The following PTPRD variants were observed in gnomAD, a reference collection of about 807,000 sequenced individuals.
PTPRD encodes protein tyrosine phosphatase receptor type D.
In PTPRD, 34 loss-of-function variants were observed where a neutral mutation model predicts 214.5. The observed-to-expected ratio is 0.16, with a 90% CI of 0.12 to 0.21. The LOEUF (loss-of-function observed/expected upper bound fraction) is 0.21, where lower values mean the gene tolerates loss of function less well. Ranked by LOEUF, PTPRD falls within the 10% of genes least tolerant of loss-of-function variation. PTPRD has a pLI of 1.00. For missense variants in PTPRD, 2,545 were observed against 2,398.7 expected (o/e 1.06, Z -1.27); for synonymous variants, 1,128 against 845.7 (o/e 1.33, Z -5.79).
chr9:9,690,744 T>C (rs2097255066), intron 7 of PTPRD, among the ~76,000 whole-genome samples: 2 of 151,998 alleles, frequency 1.3e-5, no homozygotes, highest in African/African-American at 2.4e-5. Context: ...ATGTACACTT[T>C]CAACACCTTT....
chr9:10,033,641 A>G (rs2097125282), intron 4 of PTPRD, 77 bp downstream of exon 4: 1 of 152,116 alleles, frequency 6.6e-6, no homozygotes, highest in Admixed American at 6.6e-5. Context: ...GAATCATGCT[A>G]GTTTTACCTT....
At chr9:8,581,213 A>G (rs934836834) in intron 14 of PTPRD, among the ~76,000 whole-genome samples, 3 of 152,160 alleles carry the variant, frequency 2.0e-5, no homozygotes, top group Admixed American at 1.3e-4. Flanking sequence ...AAATCAAACC[A>G]AAAATTAAAG....
intron 7 of PTPRD, among the ~76,000 whole-genome samples, chr9:9,614,447 T>C (rs2094727429): frequency 1.3e-5 from 2 of 152,216 alleles, no homozygotes; most frequent in Admixed American, 1.3e-4. Context: ...CAATGCAATG[T>C]AAAAGACTGT....
intron 9 of PTPRD, among the ~76,000 whole-genome samples, chr9:9,313,714 G>A (rs1457661961): frequency 6.6e-6 from 1 of 152,052 alleles, no homozygotes; most frequent in Non-Finnish European, 1.5e-5. Flanking sequence ...TCTCCGAAAG[G>A]GCTTCTGATA....
chr9:10,166,296 A>G (rs1472714408), intron 3 of PTPRD, among the ~76,000 whole-genome samples: 1 of 150,650 alleles, frequency 6.6e-6, no homozygotes, highest in Non-Finnish European at 1.5e-5. Context: ...ATTGTTTGAA[A>G]GCCTGCATCT....
intron 8 of PTPRD, among the ~76,000 whole-genome samples, chr9:9,447,106 G>A (rs373225548): frequency 6.6e-5 from 10 of 152,242 alleles, no homozygotes; most frequent in African/African-American, 2.4e-4. Context: ...GAATAGTGTG[G>A]AGATTCCTCA....
At chr9:8,970,432 T>G (rs766771343) in intron 11 of PTPRD, among the ~76,000 whole-genome samples, 2 of 151,460 alleles carry the variant, frequency 1.3e-5, no homozygotes, top group African/African-American at 4.8e-5. Context: ...AAAGAAAGAG[T>G]CCATCATCCA....
intron 5 of PTPRD, among the ~76,000 whole-genome samples, chr9:9,772,997 G>A (rs2098765450): frequency 6.6e-6 from 1 of 152,088 alleles, no homozygotes; most frequent in African/African-American, 2.4e-5. Flanking sequence ...CCTTATCATA[G>A]AATAAACAAA....
At chr9:10,011,258 T>A (rs2154106089) in intron 4 of PTPRD, among the ~76,000 whole-genome samples, 1 of 152,062 alleles carries the variant, frequency 6.6e-6, no homozygotes, top group East Asian at 1.9e-4. Flanking sequence ...GAAGATCTGA[T>A]CATTAGAAAA....
At chr9:9,504,406 A>G (rs1309839562) in intron 8 of PTPRD, among the ~76,000 whole-genome samples, 1 of 151,690 alleles carries the variant, frequency 6.6e-6, no homozygotes, top group Admixed American at 6.6e-5. Context: ...AAGGCCGCAA[A>G]TTATACAACC....
intron 2 of PTPRD, among the ~76,000 whole-genome samples, chr9:10,489,444 G>A (rs2099153694): frequency 6.6e-6 from 1 of 152,148 alleles, no homozygotes; most frequent in African/African-American, 2.4e-5. Context: ...GGTGATGACA[G>A]CAATCCCTTA....
chr9:8,846,951 C>G (rs1001152477), intron 11 of PTPRD, among the ~76,000 whole-genome samples: 2 of 152,224 alleles, frequency 1.3e-5, no homozygotes, highest in East Asian at 1.9e-4. Flanking sequence ...ACAGAAGCAA[C>G]TACGGTGAGG....
At chr9:9,660,883 GCCA>G (rs2096609878) in intron 7 of PTPRD, among the ~76,000 whole-genome samples, 1 of 151,926 alleles carries the variant, frequency 6.6e-6, no homozygotes, top group Admixed American at 6.6e-5. Flanking sequence ...AAGCTACGCT[GCCA>G]CCAATGCCAG....
intron 2 of PTPRD, among the ~76,000 whole-genome samples, chr9:10,560,038 A>T (rs2063515622): frequency 6.6e-6 from 1 of 152,162 alleles, no homozygotes; most frequent in Non-Finnish European, 1.5e-5. Flanking sequence ...ATACCATTTG[A>T]CCCAGCCATC....
intron 3 of PTPRD, among the ~76,000 whole-genome samples, chr9:10,233,152 T>A (rs555297418): frequency 6.6e-6 from 1 of 152,168 alleles, no homozygotes; most frequent in South Asian, 2.1e-4. Flanking sequence ...AAATAAATAG[T>A]GTGGCTACTG....
Position 8,404,532 on chromosome 9 carries a change from C to G in PTPRD, c.4210+5G>C. On this transcript the variant is annotated splice_donor_5th_base_variant and intron_variant, in intron 36 of 45. Transcript: ENST00000381196. ...AAGGTATCAGTGATGTCTGCATTTC[C>G]TTACCTTCTATAGCTGATAGGAGAA... 4 of 1,606,372 alleles carry G rather than the reference C, an allele frequency of 2.5e-6. No individual in the cohort carries two copies. The highest frequency in any genetic ancestry group is 3.4e-6 in the Non-Finnish European group (4 of 1,174,222).
At chr9:10,179,283 T>A (rs1337164625) in intron 3 of PTPRD, among the ~76,000 whole-genome samples, 2 of 151,992 alleles carry the variant, frequency 1.3e-5, no homozygotes, top group Non-Finnish European at 2.9e-5. Flanking sequence ...TGAAAGCAGA[T>A]GTATCTGGTA....
intron 3 of PTPRD, among the ~76,000 whole-genome samples, chr9:10,260,646 T>C (rs1365034957): frequency 6.6e-6 from 1 of 152,198 alleles, no homozygotes; most frequent in Non-Finnish European, 1.5e-5. Context: ...TGGTAGTGAA[T>C]GTCACTACAG....
intron 35 of PTPRD, among the ~76,000 whole-genome samples, chr9:8,414,926 AGGGG>A (rs573092776): frequency 5.4e-5 from 3 of 55,788 alleles, no homozygotes; most frequent in South Asian, 1.1e-3. Context: ...AGAGAGAGGG[AGGGG>A]GAGAGAGAGA....
Sources: gnomAD v4.1 joint callset for allele counts (sites outside exome capture counted in the v4.1 genomes callset) on GRCh38, gnomAD v4.1.1 for gene constraint, MANE v1.5 for transcripts, NCBI Gene and HGNC (gene_info 2026-07-23, HGNC 2026-07-21) for gene names.